F5: variants seen among roughly 807,000 people sequenced by gnomAD.
F5 encodes coagulation factor V.
F5 carries 138 observed loss-of-function variants against 216.4 expected under a neutral mutation model. The ratio of observed to expected loss-of-function variants is 0.64; its 90% CI spans 0.56 to 0.73. The LOEUF (loss-of-function observed/expected upper bound fraction) is 0.73. F5 is among the 30% of genes least tolerant of loss of function. The probability of loss-of-function intolerance (pLI) is 0.00; values close to 1 mark genes in which losing one functional copy is unlikely to be tolerated. For missense variants in F5, 2,403 were observed against 2,674.0 expected (o/e 0.90, Z 2.24); for synonymous variants, 916 against 930.7 (o/e 0.98, Z 0.29).
intron 10 of F5, among the ~76,000 whole-genome samples, chr1:169,548,841 C>T (rs1471584674): frequency 6.6e-6 from 1 of 150,512 alleles, no homozygotes; most frequent in Non-Finnish European, 1.5e-5. Context: ...TGCTCTCCAG[C>T]CTGGGTGACA....
rs1357261308 is a variant in F5, at chr1:169,528,003, T to C, written c.5511A>G (p.Gln1837=). ...CGTGAAAGTGAACCACGTGAATGTCTTGGGAGCCGCCTATGTTCAGCAGGT... is the reference window on the plus strand; with the variant it reads ...CGTGAAAGTGAACCACGTGAATGTCCTGGGAGCCGCCTATGTTCAGCAGGT... The part of the protein sequence containing the change: ...RLHLLNIGGS[Q]DIHVVHFHGQ... The change falls in exon 17 of 25, where the codon CAA becomes CAG. Residue 1837 remains glutamine (Q), a synonymous_variant. Transcript: ENST00000367797. The C allele has an allele frequency of 3.1e-6, 5 of 1,613,848 alleles. No homozygotes were observed. The highest frequency in any genetic ancestry group is 2.5e-6 in the Non-Finnish European group (3 of 1,179,908).
intron 8 of F5, among the ~76,000 whole-genome samples, chr1:169,552,312 C>T (rs1210094693): frequency 1.3e-5 from 2 of 152,032 alleles, no homozygotes; most frequent in African/African-American, 4.8e-5. Flanking sequence ...TTTCTTTGTC[C>T]CCGTATTCTA....
intron 2 of F5, among the ~76,000 whole-genome samples, chr1:169,577,602 T>C (rs1220428785): frequency 4.9e-4 from 52 of 105,948 alleles, no homozygotes; most frequent in African/African-American, 2.2e-3. Flanking sequence ...TATATATATA[T>C]ATGTATGTAT....
At chr1:169,556,597 A>T (rs183594556) in intron 6 of F5, 49 bp downstream of exon 6, 1 of 1,582,664 alleles carries the variant, frequency 6.3e-7, no homozygotes, top group East Asian at 2.2e-5. Context: ...AGTGCATGGG[A>T]AGAAAGGATT....
At chr1:169,525,018 A>G in intron 18 of F5, 110 bp from the exon 19 acceptor site, 2 of 873,340 alleles carry the variant, frequency 2.3e-6, no homozygotes, top group Non-Finnish European at 1.8e-6. Context: ...AGATATTTTT[A>G]CCTACCTTGT....
intron 4 of F5, 97 bp from the exon 5 acceptor site, chr1:169,559,393 T>C: frequency 3.3e-6 from 4 of 1,214,538 alleles, no homozygotes; most frequent in Non-Finnish European, 4.9e-6. Context: ...CAATCAACCA[T>C]AATGATTTCA....
chr1:169,530,278 G>A (rs977621326), intron 15 of F5, among the ~76,000 whole-genome samples: 7 of 152,180 alleles, frequency 4.6e-5, no homozygotes, highest in Non-Finnish European at 1.0e-4. Flanking sequence ...TGCATTGACA[G>A]GGTAAAAATT....
Position 169,528,916 on chromosome 1 carries a change from T to G in F5, c.5419+692A>C, listed in dbSNP as rs541319128. On this transcript the variant is annotated intron_variant, in intron 16 of 24. Transcript: ENST00000367797. Reference sequence around the variant, plus strand: ...TTTGGAGAGGGACGGGTTGAGATCATTTGGGCATCCTTCAAATTATATCAG... The same window carrying G: ...TTTGGAGAGGGACGGGTTGAGATCAGTTGGGCATCCTTCAAATTATATCAG... Among the ~76,000 whole-genome samples, 3 of 152,304 alleles carry G rather than the reference T, an allele frequency of 2.0e-5. No individual in the cohort carries two copies. The South Asian group carries it at 6.2e-4, about 32-fold the overall frequency.
In F5 at chr1:169,556,803, T is replaced by C. The variant is rs749349466; in HGVS notation, c.795A>G (p.Glu265=). ...GGCCGTTGAAATGAATGGAGAATAA[T>C]TCTGGCCCCGAGCTCATTCCCAGCA... ...WHLLGMSSGP[E]LFSIHFNGQV... is the part of the protein sequence containing the mutation. Residue 265 remains glutamate (E), a synonymous_variant, in exon 6 of 25, where the codon GAA becomes GAG. Coordinates refer to ENST00000367797, the MANE Select transcript of F5 (RefSeq NM_000130.5). 4 of 1,613,984 alleles carry C rather than the reference T, an allele frequency of 2.5e-6. No individual in the cohort carries two copies. The African/African-American group carries it at 5.3e-5, about 22-fold the overall frequency.
Position 169,572,268 on chromosome 1 carries a change from G to A in F5, c.326C>T (p.Pro109Leu), listed in dbSNP as rs1660742321. The A allele has an allele frequency of 6.2e-7, 1 of 1,613,058 alleles. No homozygotes were observed. Among genetic ancestry groups the A allele is most frequent in the South Asian group, 1.1e-5 (1 of 91,040 alleles). Reference sequence around the variant, plus strand: ...AATTCCTTGAGGATGGATGCTCAAGGGCTTATCTGCCTTATTTTTAAAGTG... The same window carrying A: ...AATTCCTTGAGGATGGATGCTCAAGAGCTTATCTGCCTTATTTTTAAAGTG... ...KVHFKNKADKPLSIHPQGIRY... is the reference protein window; with the variant it reads ...KVHFKNKADKLLSIHPQGIRY... Residue 109 changes from proline to leucine, a missense_variant, in exon 3 of 25, where the codon CCC becomes CTC. Coordinates refer to ENST00000367797, the MANE Select transcript of F5 (RefSeq NM_000130.5).
At chr1:169,518,734 A>G (rs923847031) in intron 22 of F5, among the ~76,000 whole-genome samples, 171 bp from the exon 23 acceptor site, 1 of 152,210 alleles carries the variant, frequency 6.6e-6, no homozygotes, top group Non-Finnish European at 1.5e-5. Flanking sequence ...CAGGCTTTAC[A>G]TGTATTATAT....
rs949110769 is a variant in F5, at chr1:169,513,315, G to A, written c.*998C>T. Among the ~76,000 whole-genome samples the A allele has an allele frequency of 2.0e-5, 3 of 151,980 alleles. No individual in the cohort carries two copies. Among genetic ancestry groups the A allele is most frequent in the African/African-American group, 7.2e-5 (3 of 41,382 alleles). ...TTTATTTCAGACACCCCAAATGACTGTCTATCTCATGTGATTTTAAGGATG... is the reference window on the plus strand; with the variant it reads ...TTTATTTCAGACACCCCAAATGACTATCTATCTCATGTGATTTTAAGGATG... On this transcript the variant is annotated 3_prime_UTR_variant, in exon 25 of 25. Transcript: ENST00000367797.
intron 4 of F5, among the ~76,000 whole-genome samples, chr1:169,560,225 C>T (rs111835296): frequency 6.6e-6 from 1 of 152,114 alleles, no homozygotes; most frequent in East Asian, 1.9e-4. Context: ...AGAGTATAGG[C>T]TACTGTATAC....
At chr1:169,572,085 G>A in intron 3 of F5, 136 bp downstream of exon 3, 1 of 994,066 alleles carries the variant, frequency 1.0e-6, no homozygotes, top group Non-Finnish European at 1.5e-6. Context: ...ACTTACAACA[G>A]CAACAATTTT....
chr1:169,524,770 G>C lies in F5; in HGVS notation c.5788+67C>G. The C allele has an allele frequency of 3.1e-6, 4 of 1,290,610 alleles. No homozygotes were observed. The Admixed American group carries it at 5.0e-5, about 16-fold the overall frequency. The allele number at this position is 1,290,610 out of a possible 1,614,324, so 79.9% of individuals were successfully genotyped here. On this transcript the variant is annotated intron_variant, in intron 19 of 24. Transcript: ENST00000367797. ...TTCATAGATAGGATTGTCATGTATGGTTTCATAGGCTGCATGCTGCACAAC... is the reference window on the plus strand; with the variant it reads ...TTCATAGATAGGATTGTCATGTATGCTTTCATAGGCTGCATGCTGCACAAC...
intron 24 of F5, 27 bp downstream of exon 24, chr1:169,515,417 T>G: frequency 1.2e-6 from 2 of 1,612,022 alleles, no homozygotes; most frequent in Non-Finnish European, 1.7e-6. Flanking sequence ...TTCAGATTGC[T>G]TTCTCTTTGC....
intron 18 of F5, 121 bp downstream of exon 18, chr1:169,525,780 C>T (rs1408682683): frequency 1.3e-6 from 1 of 792,830 alleles, no homozygotes; most frequent in Non-Finnish European, 2.2e-6. Flanking sequence ...ATTATGGCTA[C>T]AAATTATGCC....
At chr1:169,522,179 G>A (rs1659326290) in intron 21 of F5, among the ~76,000 whole-genome samples, 1 of 151,972 alleles carries the variant, frequency 6.6e-6, no homozygotes, top group Non-Finnish European at 1.5e-5. Flanking sequence ...TAGAACATAG[G>A]ATCTGTAATT....
rs6011 is a variant in F5 at position 169,530,940 on chromosome 1, G to C, written c.5054C>G (p.Thr1685Ser). ...CCATTCAGGAGAGTCATCTTCATAA[G>C]TCTTTCCCTCTGATGATTTTTCATA... The part of the protein sequence containing the change: ...LSYEKSSEGK[T>S]YEDDSPEWFK... The change falls in exon 15 of 25, where the codon ACT (threonine) becomes AGT (serine). Residue 1685 changes from threonine (T) to serine (S), a missense_variant. Around this residue, in one of 4 missense-constraint regions of F5, gnomAD observed 659 missense variants for 787.9 expected, o/e 0.84. Transcript: ENST00000367797. 3,280 of 1,613,822 alleles carry C rather than the reference G, an allele frequency of 2.0e-3. 13 individuals carry two copies. The highest frequency in any genetic ancestry group is 8.6e-3 in the South Asian group (782 of 91,080).
Sources: allele counts gnomAD v4.1 joint callset (sites outside exome capture counted in the v4.1 genomes callset), GRCh38; gene constraint gnomAD v4.1.1; regional missense constraint gnomAD v4.1.1; transcripts MANE v1.5; gene names NCBI Gene and HGNC (gene_info 2026-07-23, HGNC 2026-07-21).